The following CDK8 variants were observed in gnomAD, a reference collection of about 807,000 sequenced individuals.
The protein encoded by CDK8 is cyclin-dependent kinase 8.
A neutral mutation model predicts 71.5 loss-of-function variants in CDK8; 29 were observed. The ratio of observed to expected loss-of-function variants is 0.41; its 90% CI spans 0.30 to 0.55. The LOEUF is 0.55. Ranked by LOEUF, CDK8 falls within the 20% of genes least tolerant of loss-of-function variation. The pLI, the probability that CDK8 is intolerant of heterozygous loss-of-function variation, is 0.37. For missense variants in CDK8, 288 were observed against 572.6 expected, an observed-to-expected ratio of 0.50 and a Z score of 5.07; for synonymous variants, 161 against 192.1, an observed-to-expected ratio of 0.84 and a Z score of 1.34.
At chr13:26,350,597 A>T (rs1396339981) in intron 3 of CDK8, among the ~76,000 whole-genome samples, 1 of 152,068 alleles carries the variant, frequency 6.6e-6, no homozygotes, top group African/African-American at 2.4e-5. Flanking sequence ...CAGCCCGGCT[A>T]ATTTTTGTAT....
At chr13:26,297,611 C>T (rs934050024) in intron 1 of CDK8, among the ~76,000 whole-genome samples, 1 of 152,092 alleles carries the variant, frequency 6.6e-6, no homozygotes, top group Non-Finnish European at 1.5e-5. Context: ...TGGTTATTAA[C>T]AGTACCTGAT....
At chr13:26,285,529 A>G (rs1381384860) in intron 1 of CDK8, among the ~76,000 whole-genome samples, 1 of 152,254 alleles carries the variant, frequency 6.6e-6, no homozygotes, top group Non-Finnish European at 1.5e-5. Context: ...ACCCACAGCC[A>G]ACATTATACT....
chr13:26,263,143 G>GT (rs537560573), intron 1 of CDK8, among the ~76,000 whole-genome samples: 9,080 of 149,200 alleles, frequency 0.061, 306 homozygotes, highest in South Asian at 0.072. Context: ...TTGTTTTTCG[G>GT]TTTTTTTTTT....
chr13:26,347,257 C>T (rs151333303), intron 2 of CDK8, among the ~76,000 whole-genome samples: 74 of 152,194 alleles, frequency 4.9e-4, no homozygotes, highest in African/African-American at 1.5e-3. Flanking sequence ...CTTCTCTCTA[C>T]GTTCTTTGTT....
At chr13:26,381,124 T>G (rs1875205092) in intron 4 of CDK8, among the ~76,000 whole-genome samples, 1 of 152,172 alleles carries the variant, frequency 6.6e-6, no homozygotes, top group South Asian at 2.1e-4. Context: ...CAACAGGTGT[T>G]TAGGGAGTCC....
intron 4 of CDK8, among the ~76,000 whole-genome samples, chr13:26,363,964 A>C (rs916228636): frequency 6.6e-6 from 1 of 152,152 alleles, no homozygotes; most frequent in East Asian, 1.9e-4. Flanking sequence ...AAAAACACCT[A>C]ATGTGTTTTA....
chr13:26,311,638 C>G (rs1874288053), intron 1 of CDK8, among the ~76,000 whole-genome samples: 1 of 152,244 alleles, frequency 6.6e-6, no homozygotes, highest in East Asian at 1.9e-4. Flanking sequence ...AAATAGTTAC[C>G]ACAGGCAGCG....
chr13:26,385,162 T>G, intron 5 of CDK8, 49 bp from the exon 6 acceptor site: 1 of 1,493,242 alleles, frequency 6.7e-7, no homozygotes, highest in Non-Finnish European at 9.2e-7. Flanking sequence ...ATTGGTTAGA[T>G]TTGTAAAAAT....
chr13:26,342,698 C>A (rs759749458), intron 2 of CDK8, among the ~76,000 whole-genome samples: 1 of 152,154 alleles, frequency 6.6e-6, no homozygotes. Context: ...AGTGACCTGT[C>A]TGTCTCCTAA....
intron 1 of CDK8, among the ~76,000 whole-genome samples, chr13:26,277,930 G>A (rs1023365235): frequency 2.0e-5 from 3 of 152,148 alleles, no homozygotes; most frequent in African/African-American, 4.8e-5. Context: ...TTACTGTTAC[G>A]TAGAATAGGG....
chr13:26,327,373 G>A (rs1316998551), intron 1 of CDK8, among the ~76,000 whole-genome samples: 2 of 151,782 alleles, frequency 1.3e-5, no homozygotes, highest in African/African-American at 4.8e-5. Flanking sequence ...TTACCTCCTG[G>A]CCATTCCAGA....
At chr13:26,286,043 C>T (rs896766309) in intron 1 of CDK8, among the ~76,000 whole-genome samples, 17 of 152,192 alleles carry the variant, frequency 1.1e-4, no homozygotes, top group African/African-American at 4.1e-4. Flanking sequence ...ATGCCAAGCT[C>T]TTGGATGGGT....
chr13:26,260,996 CTT>C (rs551832584), intron 1 of CDK8, among the ~76,000 whole-genome samples: 6 of 152,286 alleles, frequency 3.9e-5, no homozygotes, highest in Non-Finnish European at 5.9e-5. Flanking sequence ...CTTCAGAACA[CTT>C]TGTGAATTTT....
In CDK8 at chr13:26,365,879, C is replaced by T. The variant is rs573917958; in HGVS notation, c.456+11999C>T. On this transcript the variant is annotated intron_variant, in intron 4 of 12. Coordinates refer to ENST00000381527, the MANE Select transcript of CDK8 (RefSeq NM_001260.3). ...GACCCCTCAGTTTTTCTCTTTTGAC[C>T]TTTGGACTTTCACATTAGCAAAACA... Among the ~76,000 whole-genome samples, 4 of 151,906 alleles carry T rather than the reference C, an allele frequency of 2.6e-5. No homozygotes were observed. The East Asian group carries it at 7.7e-4, about 29-fold the overall frequency.
intron 1 of CDK8, among the ~76,000 whole-genome samples, chr13:26,323,844 T>G (rs185107821): frequency 1.9e-3 from 288 of 152,288 alleles, no homozygotes; most frequent in Non-Finnish European, 3.5e-3. Flanking sequence ...CTATTTCCAG[T>G]GTTTGCCTCT....
intron 1 of CDK8, among the ~76,000 whole-genome samples, chr13:26,268,904 T>C (rs1167912063): frequency 6.6e-6 from 1 of 152,202 alleles, no homozygotes; most frequent in African/African-American, 2.4e-5. Flanking sequence ...TTGGCCTTGG[T>C]CATCCTCTCA....
chr13:26,323,616 C>T lies in CDK8; in HGVS notation c.129-13951C>T, dbSNP rs192856954. 5.4e-4 allele frequency among the ~76,000 whole-genome samples: 82 copies of T among 152,252 alleles called. 1 individual carries two copies. The highest frequency in any genetic ancestry group is 2.2e-3 in the Admixed American group (33 of 15,278). ...CTCATTTGTTCAGTGTATGTTCTTC[C>T]AGCCCACTTTCCAACCCAGATATCT... On this transcript the variant is annotated intron_variant, in intron 1 of 12. Coordinates refer to ENST00000381527, the MANE Select transcript of CDK8 (RefSeq NM_001260.3).
intron 9 of CDK8, among the ~76,000 whole-genome samples, chr13:26,398,552 G>T (rs190166478): frequency 1.2e-3 from 186 of 152,194 alleles, no homozygotes; most frequent in African/African-American, 4.1e-3. Flanking sequence ...AAACTGTTGG[G>T]TATTTTCAAT....
chr13:26,400,642 T>C, intron 10 of CDK8, 92 bp downstream of exon 10: 1 of 785,484 alleles, frequency 1.3e-6, no homozygotes, highest in Non-Finnish European at 2.2e-6. Flanking sequence ...CTCCTCCTCT[T>C]ATATGGGAAC....
Sources: allele counts gnomAD v4.1 joint callset (sites outside exome capture counted in the v4.1 genomes callset), GRCh38; gene constraint gnomAD v4.1.1; transcripts MANE v1.5; gene names NCBI Gene and HGNC (gene_info 2026-07-23, HGNC 2026-07-21).